Variants in PTPRD observed in about 807,000 individuals in gnomAD.
PTPRD encodes the protein protein tyrosine phosphatase receptor type D, also known as receptor-type tyrosine-protein phosphatase delta.
A neutral mutation model predicts 214.5 loss-of-function variants in PTPRD; 34 were observed. The ratio of observed to expected loss-of-function variants is 0.16; its 90% confidence interval spans 0.12 to 0.21. PTPRD has a LOEUF of 0.21. Among genes scored for constraint, PTPRD ranks in the 10% least tolerant of loss-of-function variants. The probability of loss-of-function intolerance (pLI) is 1.00; values close to 1 mark genes in which losing one functional copy is unlikely to be tolerated. For missense variants in PTPRD, 2,545 were observed against 2,398.7 expected (o/e 1.06, Z -1.27); for synonymous variants, 1,128 against 845.7 (o/e 1.33, Z -5.79).
chr9:8,472,103 G>C (rs956287852), intron 30 of PTPRD, among the ~76,000 whole-genome samples: 8 of 152,166 alleles, frequency 5.3e-5, no homozygotes, highest in African/African-American at 1.9e-4. Flanking sequence ...AGACAGATCT[G>C]TAGAGATTAA....
At position 10,287,986 on chromosome 9, in the gene PTPRD, C is replaced by T. The variant is rs566685201; in HGVS notation, c.-545+52977G>A. Among the ~76,000 whole-genome samples, 24 of 151,968 alleles carry T rather than the reference C, an allele frequency of 1.6e-4. 1 individual carries two copies. In the South Asian group the frequency reaches 4.8e-3, roughly 30 times the overall value. On this transcript the variant is annotated intron_variant, in intron 3 of 45. Transcript: ENST00000381196. Reference sequence around the variant, plus strand: ...TTTATGTTTTAAGAAGTTTGAATAACTTGCAAAGCCTCAAATTCAATAATG... The same window carrying T: ...TTTATGTTTTAAGAAGTTTGAATAATTTGCAAAGCCTCAAATTCAATAATG...
intron 5 of PTPRD, among the ~76,000 whole-genome samples, chr9:9,767,746 G>GA (rs1468294616): frequency 3.3e-5 from 5 of 151,948 alleles, no homozygotes; most frequent in Non-Finnish European, 7.4e-5. Context: ...TGCTATGAAT[G>GA]AAAAATAACA....
intron 2 of PTPRD, among the ~76,000 whole-genome samples, chr9:10,570,431 C>T (rs1324192462): frequency 6.6e-6 from 1 of 151,994 alleles, no homozygotes; most frequent in Non-Finnish European, 1.5e-5. Flanking sequence ...TAAAATAAGG[C>T]AACATAATTA....
At chr9:10,581,627 G>C in intron 2 of PTPRD, among the ~76,000 whole-genome samples, 1 of 152,262 alleles carries the variant, frequency 6.6e-6, no homozygotes, top group East Asian at 1.9e-4. Flanking sequence ...ACTTAGCAGG[G>C]TTTGTGTATT....
intron 8 of PTPRD, among the ~76,000 whole-genome samples, chr9:9,516,309 C>G (rs975845941): frequency 5.3e-5 from 8 of 151,990 alleles, no homozygotes; most frequent in Admixed American, 2.0e-4. Context: ...TGACACCATT[C>G]AGCTTTTGTT....
chr9:10,153,606 A>G (rs531890016), intron 3 of PTPRD, among the ~76,000 whole-genome samples: 28 of 152,114 alleles, frequency 1.8e-4, no homozygotes, highest in Non-Finnish European at 3.2e-4. Context: ...AACTACTGTC[A>G]CTGAGGTTTC....
At chr9:9,427,221 A>G (rs1220482299) in intron 8 of PTPRD, among the ~76,000 whole-genome samples, 1 of 152,174 alleles carries the variant, frequency 6.6e-6, no homozygotes, top group Non-Finnish European at 1.5e-5. Flanking sequence ...ACCTTAAATG[A>G]CCTGATGGAG....
chr9:9,634,072 TATATA>T (rs775821317), intron 7 of PTPRD, among the ~76,000 whole-genome samples: 76 of 152,266 alleles, frequency 5.0e-4, no homozygotes, highest in Non-Finnish European at 9.1e-4. Flanking sequence ...TTAAAAATGG[TATATA>T]ATACCAGAGA....
At chr9:10,439,411 G>A (rs1343912090) in intron 2 of PTPRD, among the ~76,000 whole-genome samples, 1 of 151,594 alleles carries the variant, frequency 6.6e-6, no homozygotes, top group Non-Finnish European at 1.5e-5. Flanking sequence ...AAATTAAATT[G>A]TATTCAAGGA....
At chr9:10,117,970 G>A (rs186617453) in intron 3 of PTPRD, among the ~76,000 whole-genome samples, 1 of 151,918 alleles carries the variant, frequency 6.6e-6, no homozygotes. Context: ...TACCAACCTG[G>A]AACTATTACC....
chr9:9,444,315 C>T (rs982881585), intron 8 of PTPRD, among the ~76,000 whole-genome samples: 14 of 151,870 alleles, frequency 9.2e-5, no homozygotes, highest in Admixed American at 5.9e-4. Context: ...AAAATGAGTC[C>T]GATAAATATG....
chr9:8,944,695 AG>A (rs1018713829), intron 11 of PTPRD, among the ~76,000 whole-genome samples: 2 of 152,122 alleles, frequency 1.3e-5, no homozygotes, highest in Non-Finnish European at 2.9e-5. Context: ...GAGAGGTAAA[AG>A]TTAAAACAAT....
At position 8,630,638 on chromosome 9, in the gene PTPRD, C is replaced by G. The variant is rs142283076; in HGVS notation, c.352+2679G>C. 1.7e-4 allele frequency among the ~76,000 whole-genome samples: 26 copies of G among 151,892 alleles called. No homozygotes were observed. The East Asian group carries it at 4.9e-3, about 28-fold the overall frequency. On this transcript the variant is annotated intron_variant, in intron 14 of 45. Transcript: ENST00000381196. ...AAAAAAATGGAAAGGGTTAACTACT[C>G]AAATCATAAATTTTCATACAAGTAT... is the stretch of plus-strand genomic sequence containing the variant.
intron 10 of PTPRD, among the ~76,000 whole-genome samples, chr9:9,076,792 C>CT (rs34543317): frequency 0.54 from 77,275 of 143,874 alleles, 21,234 homozygotes; most frequent in Non-Finnish European, 0.63. Context: ...TGATAATTTC[C>CT]TTTTTTTTTT....
chr9:8,813,465 G>C (rs1381439011), intron 11 of PTPRD, among the ~76,000 whole-genome samples: 1 of 152,070 alleles, frequency 6.6e-6, no homozygotes, highest in African/African-American at 2.4e-5. Flanking sequence ...TGACCTCCTA[G>C]GCTGAAGCAA....
intron 9 of PTPRD, among the ~76,000 whole-genome samples, chr9:9,259,915 G>T (rs1044596506): frequency 1.3e-5 from 2 of 151,846 alleles, no homozygotes; most frequent in African/African-American, 4.8e-5. Context: ...GAGGGTTTAA[G>T]GAAAGCCGGC....
intron 9 of PTPRD, among the ~76,000 whole-genome samples, chr9:9,355,245 A>C (rs2053299390): frequency 6.6e-6 from 1 of 151,616 alleles, no homozygotes; most frequent in East Asian, 2.0e-4. Flanking sequence ...AAGCTGGACA[A>C]ATAATTATAT....
At chr9:9,531,993 T>C (rs114822998) in intron 8 of PTPRD, among the ~76,000 whole-genome samples, 1,806 of 146,940 alleles carry the variant, frequency 0.012, 41 homozygotes, top group African/African-American at 0.042. Flanking sequence ...AACATTAAAA[T>C]GTTTTACCAA....
chr9:10,380,172 C>T (rs2097792395), intron 2 of PTPRD, among the ~76,000 whole-genome samples: 1 of 151,982 alleles, frequency 6.6e-6, no homozygotes, highest in Non-Finnish European at 1.5e-5. Context: ...TTCTAATTAA[C>T]GTTCAAAGAG....
Sources: allele counts gnomAD v4.1 joint callset (sites outside exome capture counted in the v4.1 genomes callset), GRCh38; gene constraint gnomAD v4.1.1; transcripts MANE v1.5; gene names NCBI Gene and HGNC (gene_info 2026-07-23, HGNC 2026-07-21).